Variants in DAPL1 observed in about 807,000 individuals in gnomAD.
DAPL1 encodes death associated protein like 1.
DAPL1 carries 17 observed loss-of-function variants against 12.9 expected under a neutral mutation model. The observed-to-expected ratio is 1.32, with a 90% CI of 0.90 to 1.98. The LOEUF is 1.98. Ranked by LOEUF, DAPL1 falls within the 30% of genes most tolerant of loss-of-function variation. The pLI, the probability that DAPL1 is intolerant of heterozygous loss-of-function variation, is 0.00. For synonymous variants in DAPL1, 51 were observed against 42.0 expected, an observed-to-expected ratio of 1.21 and a Z score of -0.82; for missense variants, 157 against 125.7, an observed-to-expected ratio of 1.25 and a Z score of -1.19.
intron 3 of DAPL1, among the ~76,000 whole-genome samples, chr2:158,813,705 G>A (rs920564649): frequency 1.3e-5 from 2 of 151,722 alleles, no homozygotes; most frequent in African/African-American, 4.8e-5. Flanking sequence ...ACAGTCGCTC[G>A]CCACCATGCC....
At chr2:158,799,923 G>T (rs1334899792) in intron 1 of DAPL1, among the ~76,000 whole-genome samples, 1 of 152,004 alleles carries the variant, frequency 6.6e-6, no homozygotes, top group African/African-American at 2.4e-5. Context: ...GTTTAGCTGG[G>T]TGTGGTGGCG....
At chr2:158,807,230 C>A in intron 3 of DAPL1, 115 bp downstream of exon 3, 2 of 608,398 alleles carry the variant, frequency 3.3e-6, no homozygotes, top group Non-Finnish European at 5.4e-6. Context: ...GGTTTGAGGT[C>A]CTTGTGAAAG....
chr2:158,797,791 GAA>G (rs144141422), intron 1 of DAPL1, among the ~76,000 whole-genome samples: 29 of 143,754 alleles, frequency 2.0e-4, no homozygotes, highest in Non-Finnish European at 3.0e-4. Context: ...GACCCCGTCT[GAA>G]AAAAAAAAAA....
chr2:158,815,463 T>C (rs1185073677), intron 3 of DAPL1, among the ~76,000 whole-genome samples: 1 of 152,236 alleles, frequency 6.6e-6, no homozygotes, highest in Non-Finnish European at 1.5e-5. Flanking sequence ...TAACCATTCC[T>C]ACTTTTTAAA....
At chr2:158,801,506 A>G (rs2059167833) in intron 1 of DAPL1, among the ~76,000 whole-genome samples, 1 of 152,200 alleles carries the variant, frequency 6.6e-6, no homozygotes, top group Non-Finnish European at 1.5e-5. Flanking sequence ...ATGTTTCCCT[A>G]TAATTTCATT....
chr2:158,803,632 T>G (rs986276503), intron 1 of DAPL1, among the ~76,000 whole-genome samples: 3 of 152,274 alleles, frequency 2.0e-5, no homozygotes, highest in African/African-American at 7.2e-5. Context: ...TTAGGTCATC[T>G]GTAGCCTAAT....
In DAPL1 at chr2:158,800,304, G is replaced by A. The variant is rs376394500; in HGVS notation, c.59-3978G>A. Reference sequence around the variant, plus strand: ...TAATACACTGAGGTACAAAAAACTCGTTATTGTATTAGGCAATCTATATCA... The same window carrying A: ...TAATACACTGAGGTACAAAAAACTCATTATTGTATTAGGCAATCTATATCA... On this transcript the variant is annotated intron_variant, in intron 1 of 3. Transcript: ENST00000309950. 2.5e-3 allele frequency among the ~76,000 whole-genome samples: 375 copies of A among 152,154 alleles called. 4 individuals carry two copies. Among genetic ancestry groups the A allele is most frequent in the South Asian group, 0.013 (64 of 4,822 alleles).
rs574408775 is a variant in DAPL1 at position 158,803,608 on chromosome 2, C to A, written c.59-674C>A. Among the ~76,000 whole-genome samples the A allele has an allele frequency of 3.3e-5, 5 of 152,318 alleles. No individual in the cohort carries two copies. In the East Asian group the frequency reaches 9.6e-4, roughly 29 times the overall value. ...GTTGATTTCATCTGACATTGTTAAACACTTGAATTGCTGTTAGGTCATCTG... is the reference window on the plus strand; with the variant it reads ...GTTGATTTCATCTGACATTGTTAAAAACTTGAATTGCTGTTAGGTCATCTG... On this transcript the variant is annotated intron_variant, in intron 1 of 3. Coordinates refer to ENST00000309950, the MANE Select transcript of DAPL1 (RefSeq NM_001017920.3).
intron 3 of DAPL1, among the ~76,000 whole-genome samples, chr2:158,812,729 A>G (rs138028794): frequency 1.5e-3 from 224 of 150,478 alleles, no homozygotes; most frequent in African/African-American, 5.2e-3. Flanking sequence ...CGGGAGTTCA[A>G]TGTTGCAGGG....
At chr2:158,804,614 GCATC>G (rs1330258509) in intron 2 of DAPL1, among the ~76,000 whole-genome samples, 6 of 152,198 alleles carry the variant, frequency 3.9e-5, no homozygotes, top group Non-Finnish European at 8.8e-5. Flanking sequence ...CCTCCTGTCT[GCATC>G]CAGCCCAGCG....
intron 3 of DAPL1, among the ~76,000 whole-genome samples, chr2:158,813,642 G>A (rs1489535734): frequency 5.7e-5 from 8 of 141,448 alleles, no homozygotes; most frequent in East Asian, 2.5e-4. Flanking sequence ...TGCAACCTCC[G>A]CCTCCTGGGT....
intron 1 of DAPL1, among the ~76,000 whole-genome samples, chr2:158,796,330 A>AG (rs2105146250): frequency 6.6e-6 from 1 of 152,290 alleles, no homozygotes; most frequent in South Asian, 2.1e-4. Flanking sequence ...TTTGCTGCAG[A>AG]GGGTGATGGC....
chr2:158,798,157 T>A (rs745390648), intron 1 of DAPL1, among the ~76,000 whole-genome samples: 1 of 152,206 alleles, frequency 6.6e-6, no homozygotes, highest in South Asian at 2.1e-4. Context: ...CACTTTTTAA[T>A]TGGGTCTAAG....
At chr2:158,803,272 G>A (rs2059179011) in intron 1 of DAPL1, among the ~76,000 whole-genome samples, 1 of 152,134 alleles carries the variant, frequency 6.6e-6, no homozygotes, top group Admixed American at 6.5e-5. Flanking sequence ...TGAATTTTGG[G>A]CCTTATGCAG....
chr2:158,809,382 C>T (rs1299324754), intron 3 of DAPL1, among the ~76,000 whole-genome samples: 1 of 91,662 alleles, frequency 1.1e-5, no homozygotes, highest in Non-Finnish European at 2.5e-5. Flanking sequence ...ATATTTTTAA[C>T]AGAAACTATA....
Position 158,804,374 on chromosome 2 carries a change from G to A in DAPL1, c.146+5G>A, listed in dbSNP as rs780555740. The stretch of plus-strand genomic sequence containing the variant: ...AACAGGATTCGAGAAAACAAGGTAG[G>A]GACTCTTAATTTTTCTCCATCACCT... On this transcript the variant is annotated splice_donor_5th_base_variant and intron_variant, in intron 2 of 3. Transcript: ENST00000309950. 6.3e-7 allele frequency: 1 copy of A among 1,598,970 alleles called. No individual in the cohort carries two copies. The highest frequency in any genetic ancestry group is 8.5e-7 in the Non-Finnish European group (1 of 1,170,308).
chr2:158,804,172 T>C (rs2059185738), intron 1 of DAPL1, 110 bp from the exon 2 acceptor site: 1 of 748,598 alleles, frequency 1.3e-6, no homozygotes, highest in Non-Finnish European at 2.1e-6. Context: ...GTTTAGATCT[T>C]TAAAAAATAA....
chr2:158,808,791 G>C (rs2059215074), intron 3 of DAPL1, among the ~76,000 whole-genome samples: 1 of 152,162 alleles, frequency 6.6e-6, no homozygotes, highest in African/African-American at 2.4e-5. Flanking sequence ...AAGTGGATAG[G>C]ATAGAATAGA....
In DAPL1 at chr2:158,815,870, C is replaced by T. The variant is rs752008830; in HGVS notation, c.*49C>T. 7 of 1,379,468 alleles carry T rather than the reference C, an allele frequency of 5.1e-6. No individual in the cohort carries two copies. Among genetic ancestry groups the T allele is most frequent in the East Asian group, 2.3e-5 (1 of 43,838 alleles). 85.5% of individuals were successfully genotyped at this position (1,379,468 alleles called of 1,614,324 possible). On this transcript the variant is annotated 3_prime_UTR_variant, in exon 4 of 4. Coordinates refer to ENST00000309950, the MANE Select transcript of DAPL1 (RefSeq NM_001017920.3). ...CTGGCCAGCTGCCTCGAATATCTGA[C>T]AGCTTAGCAAAAAGGGCCAAAGCTT...
Sources: gnomAD v4.1 joint callset for allele counts (sites outside exome capture counted in the v4.1 genomes callset) on GRCh38, gnomAD v4.1.1 for gene constraint, MANE v1.5 for transcripts, NCBI Gene and HGNC (gene_info 2026-07-23, HGNC 2026-07-21) for gene names.